KCNIP3: variants seen among roughly 807,000 people sequenced by gnomAD.
KCNIP3 encodes potassium voltage-gated channel interacting protein 3, also known as calsenilin.
Under a neutral mutation model 35.0 loss-of-function variants are expected in KCNIP3, and 28 were observed. The observed-to-expected ratio is 0.80, with a 90% CI of 0.59 to 1.10. The LOEUF (loss-of-function observed/expected upper bound fraction) is 1.10, where lower values mean the gene tolerates loss of function less well. Among genes scored for constraint, KCNIP3 ranks in the 50% least tolerant of loss-of-function variants. KCNIP3 has a pLI of 0.00. For synonymous variants in KCNIP3, 134 were observed against 133.8 expected (o/e 1.00, Z -0.01); for missense variants, 295 against 338.4 (o/e 0.87, Z 1.01).
At chr2:95,345,556 T>C (rs762390858) in intron 2 of KCNIP3, among the ~76,000 whole-genome samples, 1 of 152,270 alleles carries the variant, frequency 6.6e-6, no homozygotes, top group African/African-American at 2.4e-5. Context: ...GCTCAGGCCG[T>C]GAGTCCAAAC....
chr2:95,324,612 T>A (rs1269030106), intron 2 of KCNIP3, among the ~76,000 whole-genome samples: 2 of 151,028 alleles, frequency 1.3e-5, no homozygotes, highest in African/African-American at 4.9e-5. Context: ...CTTTGCAAAA[T>A]AAAAAAAATG....
intron 2 of KCNIP3, among the ~76,000 whole-genome samples, chr2:95,329,598 C>T (rs1678876723): frequency 6.6e-6 from 1 of 152,216 alleles, no homozygotes; most frequent in Non-Finnish European, 1.5e-5. Flanking sequence ...CGCTGGGGCT[C>T]CATCACCGCT....
intron 2 of KCNIP3, among the ~76,000 whole-genome samples, chr2:95,328,559 C>T (rs564580681): frequency 2.0e-5 from 3 of 152,346 alleles, no homozygotes; most frequent in African/African-American, 7.2e-5. Flanking sequence ...TGCTTAGGTG[C>T]GTGTACCCAT....
rs1408639684 is a variant in KCNIP3 at position 95,377,452 on chromosome 2, C to G, written c.447+2244C>G. Reference sequence around the variant, plus strand: ...CCACCCCCTCGCTGAGCACCTGCTCCGGGCTCTGCCGGGAGACCCTCCTGT... The same window carrying G: ...CCACCCCCTCGCTGAGCACCTGCTCGGGGCTCTGCCGGGAGACCCTCCTGT... On this transcript the variant is annotated intron_variant, in intron 5 of 8. Transcript: ENST00000295225. This position sits in a 1 kb window ranked among gnomAD's most constrained non-coding sequence, Gnocchi z 4.7. 6.6e-6 allele frequency among the ~76,000 whole-genome samples: 1 copy of G among 152,244 alleles called. No homozygotes were observed. The highest frequency in any genetic ancestry group is 2.4e-5 in the African/African-American group (1 of 41,466).
chr2:95,384,079 C>T lies in KCNIP3; in HGVS notation c.*30C>T. 6.2e-7 allele frequency: 1 copy of T among 1,604,992 alleles called. No homozygotes were observed. The highest frequency in any genetic ancestry group is 1.7e-5 in the Admixed American group (1 of 59,970). On this transcript the variant is annotated 3_prime_UTR_variant, in exon 9 of 9. Coordinates refer to ENST00000295225, the MANE Select transcript of KCNIP3 (RefSeq NM_013434.5). ...CGTCCAAAGGAGTGCATGGCCACAGCCACCTCCACCCCCAAGAAACCTCCA... is the reference window on the plus strand; with the variant it reads ...CGTCCAAAGGAGTGCATGGCCACAGTCACCTCCACCCCCAAGAAACCTCCA...
At chr2:95,340,295 C>A (rs1470201688) in intron 2 of KCNIP3, among the ~76,000 whole-genome samples, 1 of 152,182 alleles carries the variant, frequency 6.6e-6, no homozygotes, top group African/African-American at 2.4e-5. Flanking sequence ...GAGATGGTGC[C>A]ATTGCACTCC....
intron 2 of KCNIP3, among the ~76,000 whole-genome samples, chr2:95,332,162 C>G (rs1329329378): frequency 2.6e-5 from 4 of 152,208 alleles, no homozygotes; most frequent in African/African-American, 9.6e-5. Flanking sequence ...GGAGCACAGG[C>G]AAAAGGCCGG....
chr2:95,311,434 T>C, intron 2 of KCNIP3: 1 of 152,268 alleles, frequency 6.6e-6, no homozygotes, highest in East Asian at 1.9e-4. Flanking sequence ...CTGCATCTTG[T>C]TTGCTCTCTT....
chr2:95,326,219 T>TCATACA (rs1034024257), intron 2 of KCNIP3, among the ~76,000 whole-genome samples: 1 of 147,288 alleles, frequency 6.8e-6, no homozygotes, highest in Admixed American at 6.7e-5. Context: ...ACACACACAC[T>TCATACA]CATACACATA....
At chr2:95,322,583 G>A (rs1403926573) in intron 2 of KCNIP3, among the ~76,000 whole-genome samples, 3 of 152,166 alleles carry the variant, frequency 2.0e-5, no homozygotes, top group Admixed American at 2.0e-4. Context: ...AAGCAGTGCT[G>A]CCCCTGGCCA....
At chr2:95,336,582 T>C (rs1360814254) in intron 2 of KCNIP3, among the ~76,000 whole-genome samples, 2 of 152,274 alleles carry the variant, frequency 1.3e-5, no homozygotes, top group East Asian at 3.8e-4. Context: ...CCTCTTCTCA[T>C]GTCTAACAAT....
At chr2:95,315,778 G>T (rs1044141702) in intron 2 of KCNIP3, among the ~76,000 whole-genome samples, 11 of 152,242 alleles carry the variant, frequency 7.2e-5, no homozygotes, top group Admixed American at 1.3e-4. Context: ...CGTAGGGGGC[G>T]GGTGGGCTGT....
rs539261100 is a variant in KCNIP3 at position 95,297,849 on chromosome 2, G to A, written c.15+396G>A. Among the ~76,000 whole-genome samples the A allele has an allele frequency of 3.5e-3, 526 of 152,270 alleles. 8 individuals carry two copies. Among genetic ancestry groups the A allele is most frequent in the Middle Eastern group, 0.031 (9 of 294 alleles). On this transcript the variant is annotated intron_variant, in intron 1 of 8. Coordinates refer to ENST00000295225, the MANE Select transcript of KCNIP3 (RefSeq NM_013434.5). ...TGCCAGCGTGGCTGACACTGAGCCC[G>A]GGCCCCACAGCCTTCAGGTTTGGGG...
rs545775980 is a variant in KCNIP3, at chr2:95,382,420, G to A, written c.599G>A (p.Arg200His). 8.7e-6 allele frequency: 14 copies of A among 1,608,336 alleles called. No individual in the cohort carries two copies. Among genetic ancestry groups the A allele is most frequent in the East Asian group, 2.3e-5 (1 of 44,404 alleles). Reference sequence around the variant, plus strand: ...AAGTCCATCTATGACATGATGGGCCGCCACACCTACCCCATCCTGCGGGAG... The same window carrying A: ...AAGTCCATCTATGACATGATGGGCCACCACACCTACCCCATCCTGCGGGAG... ...IMKSIYDMMGRHTYPILREDA... is the reference protein window; with the variant it reads ...IMKSIYDMMGHHTYPILREDA... Residue 200 changes from arginine to histidine, a missense_variant, in exon 7 of 9, where the codon CGC (arginine) becomes CAC (histidine). By Grantham distance (29) the Arg-to-His change is conservative. Transcript: ENST00000295225. This position sits in a 1 kb window ranked among gnomAD's most constrained non-coding sequence, Gnocchi z 4.5.
At chr2:95,372,271 C>G (rs530392174) in intron 2 of KCNIP3, among the ~76,000 whole-genome samples, 132 of 152,278 alleles carry the variant, frequency 8.7e-4, no homozygotes, top group African/African-American at 3.1e-3. Context: ...GCACAGTTCT[C>G]CCCAGTGTGC....
At chr2:95,309,745 C>T (rs1281848941) in intron 1 of KCNIP3, among the ~76,000 whole-genome samples, 2 of 152,134 alleles carry the variant, frequency 1.3e-5, no homozygotes, top group East Asian at 1.9e-4. Flanking sequence ...TCTTAATGAC[C>T]ACCCATGACT....
At chr2:95,371,765 A>G (rs1433647217) in intron 2 of KCNIP3, among the ~76,000 whole-genome samples, 2 of 150,556 alleles carry the variant, frequency 1.3e-5, no homozygotes, top group African/African-American at 4.9e-5. Flanking sequence ...ATTATAAAAC[A>G]TCCAGCTTTC....
rs1181405671 is a variant in KCNIP3, at chr2:95,324,772, G to A, written c.181+14252G>A. Reference sequence around the variant, plus strand: ...CTAAAAACACAAAAGTTAGCCTGGCGTAGTGGCGGGCGCCTGTAGTCCCAG... The same window carrying A: ...CTAAAAACACAAAAGTTAGCCTGGCATAGTGGCGGGCGCCTGTAGTCCCAG... On this transcript the variant is annotated intron_variant, in intron 2 of 8. Coordinates refer to ENST00000295225, the MANE Select transcript of KCNIP3 (RefSeq NM_013434.5). Among the ~76,000 whole-genome samples, 15 of 151,138 alleles carry A rather than the reference G, an allele frequency of 9.9e-5. No individual in the cohort carries two copies. In the East Asian group the frequency reaches 2.3e-3, roughly 24 times the overall value.
intron 2 of KCNIP3, chr2:95,311,354 CAT>C (rs1277724763): frequency 6.6e-6 from 1 of 152,414 alleles, no homozygotes; most frequent in Admixed American, 6.5e-5. Flanking sequence ...TGGGATCACA[CAT>C]GTGAGTATGG....
Sources: gnomAD v4.1 joint callset for allele counts (sites outside exome capture counted in the v4.1 genomes callset) on GRCh38, gnomAD v4.1.1 for gene constraint, Gnocchi (gnomAD v3.1) non-coding constraint, MANE v1.5 for transcripts, NCBI Gene and HGNC (gene_info 2026-07-23, HGNC 2026-07-21) for gene names.